The following PCDHA9 variants were observed in gnomAD, a reference collection of about 807,000 sequenced individuals.
PCDHA9 encodes protocadherin alpha 9.
In PCDHA9, 62 loss-of-function variants were observed where a neutral mutation model predicts 62.0. The observed-to-expected ratio is 1.00, with a 90% CI of 0.81 to 1.23. The LOEUF is 1.23. Ranked by LOEUF, PCDHA9 falls within the 50% of genes most tolerant of loss-of-function variation. The pLI is 0.00. For synonymous variants in PCDHA9, 557 were observed against 567.6 expected, an observed-to-expected ratio of 0.98 and a Z score of 0.27; for missense variants, 1,205 against 1,249.8, an observed-to-expected ratio of 0.96 and a Z score of 0.54.
At chr5:140,992,761 A>G (rs1400429465) in intron 3 of PCDHA9, among the ~76,000 whole-genome samples, 1 of 152,180 alleles carries the variant, frequency 6.6e-6, no homozygotes, top group African/African-American at 2.4e-5. Flanking sequence ...TGTTGGGGAT[A>G]GGAGGGTGGG....
At chr5:140,941,214 C>CCTTCCTTTCTTTCTTTCTTT (rs1554214040) in intron 1 of PCDHA9, among the ~76,000 whole-genome samples, 29 of 122,492 alleles carry the variant, frequency 2.4e-4, no homozygotes, top group South Asian at 5.9e-4. Flanking sequence ...TTTCTTTCTT[C>CCTTCCTTTCTTTCTTTCTTT]CTTTCTTTCT....
At chr5:140,888,649 A>G (rs1554183557) in intron 1 of PCDHA9, among the ~76,000 whole-genome samples, 1 of 152,210 alleles carries the variant, frequency 6.6e-6, no homozygotes, top group African/African-American at 2.4e-5. Flanking sequence ...TACTTTCCTG[A>G]GGACACCACC....
At chr5:140,978,907 G>A (rs782602741) in intron 1 of PCDHA9, 42 bp from the exon 2 acceptor site, 3 of 1,613,766 alleles carry the variant, frequency 1.9e-6, no homozygotes, top group South Asian at 2.2e-5. Context: ...GGAGAACATT[G>A]TCTTGTCATT....
At position 140,978,997 on chromosome 5, in the gene PCDHA9, G is replaced by C. The variant is rs782253140; in HGVS notation, c.2443G>C (p.Gly815Arg). The C allele has an allele frequency of 2.7e-5, 44 of 1,614,040 alleles. No individual in the cohort carries two copies. Among genetic ancestry groups the C allele is most frequent in the Non-Finnish European group, 3.6e-5 (43 of 1,180,028 alleles). ...GCGTTACTCTGCCTCCCTGAGAGCA[G>C]GCATGCACAGGTATGTATTTCCCTC... ...DWRYSASLRAGMHSSVHLEEA... is the reference protein window; with the variant it reads ...DWRYSASLRARMHSSVHLEEA... Residue 815 changes from glycine to arginine, a missense_variant, in exon 2 of 4, where the codon GGC becomes CGC. Transcript: ENST00000532602.
At chr5:140,882,982 C>A (rs139888237) in intron 1 of PCDHA9, 2 of 1,614,148 alleles carry the variant, frequency 1.2e-6, no homozygotes, top group South Asian at 1.1e-5. Flanking sequence ...TGAATGACAA[C>A]GCCCCGGAAT....
In PCDHA9 at chr5:140,871,059, T is replaced by A. The variant is rs781936875; in HGVS notation, c.2394+20170T>A. 4.3e-6 allele frequency: 7 copies of A among 1,613,256 alleles called. No homozygotes were observed. In the South Asian group the frequency reaches 7.7e-5, roughly 18 times the overall value. On this transcript the variant is annotated intron_variant, in intron 1 of 3. Transcript: ENST00000532602. ...ACCGACTTCTAGTACTGGTGAAGGA[T>A]CACGGTGAGCCGGCGCTGACGGCCA...
intron 1 of PCDHA9, among the ~76,000 whole-genome samples, chr5:140,901,408 T>A (rs2068650771): frequency 6.6e-6 from 1 of 152,190 alleles, no homozygotes; most frequent in African/African-American, 2.4e-5. Flanking sequence ...GAGATAGGGG[T>A]CTAGTTTCAT....
intron 1 of PCDHA9, among the ~76,000 whole-genome samples, chr5:140,952,792 T>C (rs2094798499): frequency 6.6e-6 from 1 of 152,210 alleles, no homozygotes; most frequent in African/African-American, 2.4e-5. Flanking sequence ...GAGGTTTAAC[T>C]GGCTCGCAGT....
Position 140,850,124 on chromosome 5 carries a change from G to A in PCDHA9, c.1629G>A (p.Pro543=). The A allele has an allele frequency of 6.3e-7, 1 of 1,595,944 alleles. No individual in the cohort carries two copies. The highest frequency in any genetic ancestry group is 8.6e-7 in the Non-Finnish European group (1 of 1,167,860). The change falls in exon 1 of 4, where the codon CCG becomes CCA. Residue 543 remains proline, a synonymous_variant. Transcript: ENST00000532602. ...TGAGCGCGCGCGACGCGGGCGTGCCGCCTCTGGGCAGCAACGTGACGCTGC... is the reference window on the plus strand; with the variant it reads ...TGAGCGCGCGCGACGCGGGCGTGCCACCTCTGGGCAGCAACGTGACGCTGC... ...FQVSARDAGV[P]PLGSNVTLQV...
At chr5:140,984,730 T>C (rs956611464) in intron 3 of PCDHA9, among the ~76,000 whole-genome samples, 4 of 152,186 alleles carry the variant, frequency 2.6e-5, no homozygotes, top group Non-Finnish European at 4.4e-5. Context: ...ATTAAGATTA[T>C]GATTTAGAGT....
intron 1 of PCDHA9, among the ~76,000 whole-genome samples, chr5:140,951,082 C>CT (rs573059224): frequency 1.2e-3 from 178 of 151,520 alleles, no homozygotes; most frequent in African/African-American, 4.1e-3. Context: ...TTATATTTTC[C>CT]TTTTTTTCTG....
Position 141,009,646 on chromosome 5 carries a change from G to A in PCDHA9, c.2562G>A (p.Val854=), listed in dbSNP as rs369515881. 16 of 1,613,668 alleles carry A rather than the reference G, an allele frequency of 9.9e-6. No individual in the cohort carries two copies. The highest frequency in any genetic ancestry group is 5.5e-5 in the South Asian group (5 of 91,030). ...TTTCAGAACCAGAGGCAGGAGAAGT[G>A]TCCCCTCCAGTCGGTGCGGGTGTCA... is the stretch of plus-strand genomic sequence containing the variant. ...SATPEPEAGE[V]SPPVGAGVNS... The change falls in exon 4 of 4, where the codon GTG becomes GTA. Residue 854 remains valine, a synonymous_variant. Coordinates refer to ENST00000532602, the MANE Select transcript of PCDHA9 (RefSeq NM_031857.2).
rs2080357826 is a variant in PCDHA9 at position 140,921,739 on chromosome 5, G to T, written c.2395-57210G>T. The stretch of plus-strand genomic sequence containing the variant: ...CGAATTACTCCCATAAAAATTATAA[G>T]CATAACAGGACACTTCTTGGCTACT... On this transcript the variant is annotated intron_variant, in intron 1 of 3. Transcript: ENST00000532602. Among the ~76,000 whole-genome samples, 7 of 152,134 alleles carry T rather than the reference G, an allele frequency of 4.6e-5. No individual in the cohort carries two copies. In the South Asian group the frequency reaches 1.5e-3, roughly 32 times the overall value.
At chr5:140,966,542 G>C (rs926112867) in intron 1 of PCDHA9, 4 of 464,302 alleles carry the variant, frequency 8.6e-6, no homozygotes, top group Non-Finnish European at 1.5e-5. Flanking sequence ...GAGCGACTCG[G>C]AGGCGAGCGG....
At chr5:140,981,849 T>C (rs1460050544) in intron 2 of PCDHA9, among the ~76,000 whole-genome samples, 2 of 152,202 alleles carry the variant, frequency 1.3e-5, no homozygotes, top group African/African-American at 4.8e-5. Flanking sequence ...AGTTTGTATC[T>C]CACTCCCAGC....
chr5:140,955,867 C>T (rs1208648426), intron 1 of PCDHA9, among the ~76,000 whole-genome samples: 1 of 152,136 alleles, frequency 6.6e-6, no homozygotes, highest in Non-Finnish European at 1.5e-5. Context: ...CTTCACTTCC[C>T]TTTTTAGCTG....
chr5:141,010,293 G>T lies in PCDHA9; in HGVS notation c.*356G>T. 6.5e-7 allele frequency: 1 copy of T among 1,549,794 alleles called. No homozygotes were observed. Among genetic ancestry groups the T allele is most frequent in the Non-Finnish European group, 8.7e-7 (1 of 1,146,454 alleles). On this transcript the variant is annotated 3_prime_UTR_variant, in exon 4 of 4. Coordinates refer to ENST00000532602, the MANE Select transcript of PCDHA9 (RefSeq NM_031857.2). ...ATCCTGTCTTGATGACACTTGCAGG[G>T]CAGGCTGAAAAGTTTTGAGATTGAG...
chr5:140,899,931 C>G (rs1163496997), intron 1 of PCDHA9, among the ~76,000 whole-genome samples: 1 of 152,112 alleles, frequency 6.6e-6, no homozygotes, highest in African/African-American at 2.4e-5. Context: ...CCTCAGCCTC[C>G]TGAATAGCTG....
intron 3 of PCDHA9, among the ~76,000 whole-genome samples, chr5:141,003,829 A>G (rs1220753607): frequency 1.3e-5 from 2 of 152,184 alleles, no homozygotes; most frequent in Admixed American, 6.5e-5. Flanking sequence ...GGCTCTGCCT[A>G]ACGATTCAGA....
Sources: allele counts gnomAD v4.1 joint callset (sites outside exome capture counted in the v4.1 genomes callset), GRCh38; gene constraint gnomAD v4.1.1; transcripts MANE v1.5; gene names NCBI Gene and HGNC (gene_info 2026-07-23, HGNC 2026-07-21).